The following RDH10 variants were observed in gnomAD, a reference collection of about 807,000 sequenced individuals.
The protein encoded by RDH10 is retinol dehydrogenase 10 (all-trans).
A neutral mutation model predicts 30.2 loss-of-function variants in RDH10; 12 were observed. The ratio of observed to expected loss-of-function variants is 0.40; its 90% CI spans 0.25 to 0.64. RDH10 has a LOEUF of 0.64. RDH10 is among the 30% of genes least tolerant of loss of function. The pLI is 0.43. For missense variants in RDH10, 268 were observed against 445.2 expected, an observed-to-expected ratio of 0.60 and a Z score of 3.58; for synonymous variants, 189 against 172.2, an observed-to-expected ratio of 1.10 and a Z score of -0.76.
chr8:73,305,266 G>C (rs1267130061), intron 2 of RDH10, among the ~76,000 whole-genome samples: 1 of 152,102 alleles, frequency 6.6e-6, no homozygotes, highest in African/African-American at 2.4e-5. Flanking sequence ...TCAGATTTTT[G>C]AGATCTTTGG....
At chr8:73,315,378 C>G in intron 2 of RDH10, 1 of 243,696 alleles carries the variant, frequency 4.1e-6, no homozygotes. Flanking sequence ...TGTGTCCCCA[C>G]GTCACATTTT....
In RDH10 at chr8:73,321,082, G is replaced by A; in HGVS notation, c.770+5G>A. The A allele has an allele frequency of 6.2e-7, 1 of 1,609,540 alleles. No homozygotes were observed. Among genetic ancestry groups the A allele is most frequent in the South Asian group, 1.1e-5 (1 of 90,624 alleles). ...GTTCAGAGGCTGCCGAATCAGGTCA[G>A]TGAGAACCTATATTATTACTGATAA... On this transcript the variant is annotated splice_donor_5th_base_variant and intron_variant, in intron 4 of 5. Transcript: ENST00000240285.
At chr8:73,295,702 G>A in intron 1 of RDH10, 124 bp downstream of exon 1, 1 of 1,048,412 alleles carries the variant, frequency 9.5e-7, no homozygotes, top group Non-Finnish European at 1.3e-6. Context: ...ACACCCCACC[G>A]GTCTTTTGGG....
At chr8:73,321,720 G>T in intron 4 of RDH10, 1 of 435,892 alleles carries the variant, frequency 2.3e-6, no homozygotes, top group Non-Finnish European at 4.7e-6. Flanking sequence ...TTAAGAGGAT[G>T]CTTGTGAAGA....
intron 2 of RDH10, among the ~76,000 whole-genome samples, chr8:73,315,060 C>G (rs1814634593): frequency 6.6e-6 from 1 of 152,118 alleles, no homozygotes; most frequent in Non-Finnish European, 1.5e-5. Flanking sequence ...GTTTATAGCC[C>G]ACAGTTGGAA....
In RDH10 at chr8:73,323,037, G is replaced by A; in HGVS notation, c.*1G>A. 1 of 1,611,026 alleles carries A rather than the reference G, an allele frequency of 6.2e-7. No individual in the cohort carries two copies. Among genetic ancestry groups the A allele is most frequent in the Non-Finnish European group, 8.5e-7 (1 of 1,177,354 alleles). On this transcript the variant is annotated 3_prime_UTR_variant, in exon 6 of 6. Coordinates refer to ENST00000240285, the MANE Select transcript of RDH10 (RefSeq NM_172037.5). Reference sequence around the variant, plus strand: ...TAATGAAGCAAAAAATGGAATCTAAGAATCTTTTTGTATGGAATATTACTT... The same window carrying A: ...TAATGAAGCAAAAAATGGAATCTAAAAATCTTTTTGTATGGAATATTACTT...
intron 3 of RDH10, 47 bp downstream of exon 3, chr8:73,319,241 T>C: frequency 7.4e-7 from 1 of 1,342,476 alleles, no homozygotes; most frequent in Non-Finnish European, 1.1e-6. Context: ...GTTTATCCTG[T>C]GATAAGTACA....
chr8:73,295,844 C>G (rs1814253595), intron 1 of RDH10: 26 of 1,261,714 alleles, frequency 2.1e-5, no homozygotes, highest in Non-Finnish European at 2.6e-5. Context: ...TTCCTAAGCC[C>G]TCCGGGGTAG....
At chr8:73,303,972 C>G (rs1454784718) in intron 2 of RDH10, among the ~76,000 whole-genome samples, 4 of 152,194 alleles carry the variant, frequency 2.6e-5, no homozygotes, top group Non-Finnish European at 4.4e-5. Flanking sequence ...AAAATAACTG[C>G]TAAATAACCA....
At chr8:73,307,838 A>G (rs79199870) in intron 2 of RDH10, among the ~76,000 whole-genome samples, 2,351 of 152,296 alleles carry the variant, frequency 0.015, 31 homozygotes, top group African/African-American at 0.038. Flanking sequence ...TAGCATGGTT[A>G]GTTTAGCAGT....
Position 73,323,564 on chromosome 8 carries a change from C to T in RDH10, c.*528C>T, listed in dbSNP as rs2130385310. Reference sequence around the variant, plus strand: ...CTTTTGAAAAGGAATTTTGAAATCTCCATCAACTGAAGTAAATGATGTCTG... The same window carrying T: ...CTTTTGAAAAGGAATTTTGAAATCTTCATCAACTGAAGTAAATGATGTCTG... On this transcript the variant is annotated 3_prime_UTR_variant, in exon 6 of 6. Coordinates refer to ENST00000240285, the MANE Select transcript of RDH10 (RefSeq NM_172037.5). 6.5e-6 allele frequency: 1 copy of T among 153,514 alleles called. No homozygotes were observed. The highest frequency in any genetic ancestry group is 1.5e-5 in the Non-Finnish European group (1 of 68,902). The allele number at this position is 153,514 out of a possible 1,614,324, so 9.5% of individuals were successfully genotyped here. A position where few individuals can be genotyped will look rare whatever the true frequency, so the allele number is the denominator to read the frequency against.
intron 2 of RDH10, among the ~76,000 whole-genome samples, chr8:73,305,273 T>C (rs530616088): frequency 1.3e-5 from 2 of 152,364 alleles, no homozygotes; most frequent in African/African-American, 4.8e-5. Flanking sequence ...TTTGAGATCT[T>C]TGGGAAATTC....
At position 73,295,178 on chromosome 8, in the gene RDH10, C is replaced by A. The variant is rs966048562; in HGVS notation, c.-112C>A. The A allele has an allele frequency of 5.5e-4, 584 of 1,066,184 alleles. 2 individuals are homozygous for A. The highest frequency in any genetic ancestry group is 4.4e-4 in the Non-Finnish European group (347 of 792,262). 66.0% of individuals were successfully genotyped at this position (1,066,184 alleles called of 1,614,324 possible). ...CCTCGGGGGCGGGCGCGGGGCGCAG[C>A]CTTCTCGTCCCGGCCTCTGTGACAA... On this transcript the variant is annotated 5_prime_UTR_variant, in exon 1 of 6. Coordinates refer to ENST00000240285, the MANE Select transcript of RDH10 (RefSeq NM_172037.5).
intron 3 of RDH10, among the ~76,000 whole-genome samples, chr8:73,320,697 C>T (rs1000264478): frequency 9.9e-5 from 15 of 152,174 alleles, no homozygotes; most frequent in South Asian, 2.1e-4. Flanking sequence ...GTCTCGAGCT[C>T]CTGACCTTAA....
chr8:73,313,571 T>C (rs1814610032), intron 2 of RDH10, among the ~76,000 whole-genome samples: 1 of 152,194 alleles, frequency 6.6e-6, no homozygotes, highest in African/African-American at 2.4e-5. Flanking sequence ...GCTCTACATT[T>C]AATAGCCAAA....
At chr8:73,313,319 G>C (rs1377594868) in intron 2 of RDH10, 1 of 152,206 alleles carries the variant, frequency 6.6e-6, no homozygotes, top group Non-Finnish European at 1.5e-5. Flanking sequence ...TGTTTAAGAA[G>C]TTCTTGCTTA....
intron 2 of RDH10, among the ~76,000 whole-genome samples, chr8:73,305,410 G>A (rs1322855523): frequency 6.6e-6 from 1 of 152,176 alleles, no homozygotes; most frequent in Non-Finnish European, 1.5e-5. Flanking sequence ...TTTGTCTTGA[G>A]TTGAGAAATA....
chr8:73,322,139 A>C (rs1056700743), intron 4 of RDH10: 3 of 391,640 alleles, frequency 7.7e-6, no homozygotes, highest in African/African-American at 6.2e-5. Context: ...CTATCATTTC[A>C]ACATGTAACC....
chr8:73,318,881 T>C (rs1483967658), intron 2 of RDH10, among the ~76,000 whole-genome samples: 1 of 152,260 alleles, frequency 6.6e-6, no homozygotes, highest in Non-Finnish European at 1.5e-5. Context: ...AGTTACAGTC[T>C]TGTTGGTCAC....
Sources: allele counts gnomAD v4.1 joint callset (sites outside exome capture counted in the v4.1 genomes callset), GRCh38; gene constraint gnomAD v4.1.1; transcripts MANE v1.5; gene names NCBI Gene and HGNC (gene_info 2026-07-23, HGNC 2026-07-21).